Variants in AANAT observed in about 807,000 individuals in gnomAD.
AANAT encodes serotonin N-acetyltransferase.
Under a neutral mutation model 15.6 loss-of-function variants are expected in AANAT, and 11 were observed. The observed-to-expected ratio is 0.71, with a 90% confidence interval of 0.44 to 1.17. AANAT has a LOEUF of 1.17. Ranked by LOEUF, AANAT falls within the 50% of genes most tolerant of loss-of-function variation. The pLI, the probability that AANAT is intolerant of heterozygous loss-of-function variation, is 0.00. For synonymous variants in AANAT, 139 were observed against 131.5 expected, an observed-to-expected ratio of 1.06 and a Z score of -0.39; for missense variants, 286 against 296.3, an observed-to-expected ratio of 0.97 and a Z score of 0.26.
chr17:76,461,318 G>T (rs939801161), intron 2 of AANAT, among the ~76,000 whole-genome samples: 1 of 152,106 alleles, frequency 6.6e-6, no homozygotes, highest in Non-Finnish European at 1.5e-5. Flanking sequence ...TGTAGTGGAT[G>T]CTGTGGTGCA....
upstream of AANAT, among the ~76,000 whole-genome samples, chr17:76,463,047 C>T (rs1041767742): frequency 6.6e-6 from 1 of 152,160 alleles, no homozygotes; most frequent in African/African-American, 2.4e-5. Flanking sequence ...TCCCAGATTC[C>T]AGGTCCAGGG....
In AANAT at chr17:76,456,880, C is replaced by T. The variant is rs58784793; in HGVS notation, c.-575-2367C>T. 5.8e-3 allele frequency among the ~76,000 whole-genome samples: 884 copies of T among 152,206 alleles called. 5 individuals carry two copies. Among genetic ancestry groups the T allele is most frequent in the African/African-American group, 0.019 (794 of 41,528 alleles). ...AAGAAATAGGGCCCAAGGAATTTGG[C>T]GCCTAAGGTAACAGGTAGTAACCTG... is the stretch of plus-strand genomic sequence containing the variant. On this transcript the variant is annotated intron_variant, in intron 1 of 6. Coordinates refer to the AANAT transcript ENST00000250615.
upstream of AANAT, among the ~76,000 whole-genome samples, chr17:76,463,309 C>CTTTTTT (rs60885549): frequency 0.1 from 11,186 of 111,556 alleles, 988 homozygotes; most frequent in Non-Finnish European, 0.12. Context: ...GGAAGGATTC[C>CTTTTTT]TTTTTTTTTT....
At position 76,469,087 on chromosome 17, in the gene AANAT, G is replaced by T. The variant is rs2073478922; in HGVS notation, c.164-86G>T. ...CCCCCATTTTCCTGTGGGGAACGGG[G>T]CATCTGAGTGGACACTCGGGGTGCA... On this transcript the variant is annotated intron_variant, in intron 2 of 3. Transcript: ENST00000392492. The surrounding 1 kb of genome is among the most constrained non-coding windows in gnomAD (Gnocchi z 5.2). The T allele has an allele frequency of 1.9e-6, 3 of 1,572,926 alleles. No individual in the cohort carries two copies. In the South Asian group the frequency reaches 3.5e-5, roughly 18 times the overall value.
intron 1 of AANAT, among the ~76,000 whole-genome samples, chr17:76,454,215 A>T (rs1398193157): frequency 6.6e-6 from 1 of 151,876 alleles, no homozygotes; most frequent in Non-Finnish European, 1.5e-5. Flanking sequence ...GGCAGCTCAC[A>T]CCTGTCATCC....
chr17:76,457,287 C>A (rs2073351035), intron 1 of AANAT, among the ~76,000 whole-genome samples: 1 of 152,184 alleles, frequency 6.6e-6, no homozygotes, highest in African/African-American at 2.4e-5. Flanking sequence ...AATGATCCAC[C>A]CGCCTTGCCC....
chr17:76,458,231 G>A (rs1256390215), intron 1 of AANAT, among the ~76,000 whole-genome samples: 1 of 152,050 alleles, frequency 6.6e-6, no homozygotes, highest in African/African-American at 2.4e-5. Context: ...TTTAGAGAAT[G>A]AGACTCAGTA....
At chr17:76,468,166 C>T (rs1338749326) in intron 1 of AANAT, among the ~76,000 whole-genome samples, 1 of 152,194 alleles carries the variant, frequency 6.6e-6, no homozygotes, top group Non-Finnish European at 1.5e-5. Context: ...AAGCTCTCTG[C>T]CACAGGATCT....
At chr17:76,457,651 A>C (rs1319980045) in intron 1 of AANAT, among the ~76,000 whole-genome samples, 1 of 152,158 alleles carries the variant, frequency 6.6e-6, no homozygotes, top group Non-Finnish European at 1.5e-5. Flanking sequence ...CCCTCACTAG[A>C]CTAAACCCTT....
Position 76,470,053 on chromosome 17 carries a change from G to C in AANAT, c.*83G>C, listed in dbSNP as rs1463007798. On this transcript the variant is annotated 3_prime_UTR_variant, in exon 4 of 4. Coordinates refer to ENST00000392492, the MANE Select transcript of AANAT (RefSeq NM_001088.3). ...AGCTCAGCTGAGCATGGAGACAGCAGTTTCCAGAGAGTGGAGAGAGCAGGG... is the reference window on the plus strand; with the variant it reads ...AGCTCAGCTGAGCATGGAGACAGCACTTTCCAGAGAGTGGAGAGAGCAGGG... 7 of 1,357,686 alleles carry C rather than the reference G, an allele frequency of 5.2e-6. No individual in the cohort carries two copies. Among genetic ancestry groups the C allele is most frequent in the East Asian group, 2.6e-5 (1 of 37,820 alleles). 84.1% of individuals were successfully genotyped at this position (1,357,686 alleles called of 1,614,324 possible).
At chr17:76,467,339 C>T (rs369525953), upstream of AANAT, among the ~76,000 whole-genome samples, 29 of 152,260 alleles carry the variant, frequency 1.9e-4, no homozygotes, top group African/African-American at 4.6e-4. Flanking sequence ...GAGGGAGAAT[C>T]GCTGGTGCCC....
Position 76,469,418 on chromosome 17 carries a change from T to C in AANAT, c.318+91T>C, listed in dbSNP as rs2073488281. On this transcript the variant is annotated intron_variant, in intron 3 of 3. Transcript: ENST00000392492. The surrounding 1 kb of genome is among the most constrained non-coding windows in gnomAD (Gnocchi z 5.2). ...GGGGAGGGGAGCCCAGGGGCTGGGA[T>C]TTCTTCCTCCAGAACTGGAGAGATG... The C allele has an allele frequency of 6.5e-7, 1 of 1,544,422 alleles. No homozygotes were observed.
upstream of AANAT, among the ~76,000 whole-genome samples, chr17:76,462,831 G>A (rs1463916175): frequency 6.6e-6 from 1 of 152,224 alleles, no homozygotes; most frequent in African/African-American, 2.4e-5. Context: ...ACAAGAGCCT[G>A]AAGAGAGGGC....
Position 76,469,573 on chromosome 17 carries a change from A to G in AANAT, c.319-92A>G. On this transcript the variant is annotated intron_variant, in intron 3 of 3. Coordinates refer to ENST00000392492, the MANE Select transcript of AANAT (RefSeq NM_001088.3). This position sits in a 1 kb window ranked among gnomAD's most constrained non-coding sequence, Gnocchi z 5.2. ...GTGGGTGCCCTGACCACAGGCACCC[A>G]GGGGACACCTGCTCCCTGCCTGGGT... 4 of 1,383,632 alleles carry G rather than the reference A, an allele frequency of 2.9e-6. No individual in the cohort carries two copies. Among genetic ancestry groups the G allele is most frequent in the Non-Finnish European group, 3.8e-6 (4 of 1,053,880 alleles). 85.7% of individuals were successfully genotyped at this position (1,383,632 alleles called of 1,614,324 possible).
At chr17:76,456,455 C>A (rs937143068) in intron 1 of AANAT, among the ~76,000 whole-genome samples, 2 of 151,852 alleles carry the variant, frequency 1.3e-5, no homozygotes, top group African/African-American at 4.8e-5. Context: ...TGTCAATGGA[C>A]CCAAATCTTA....
chr17:76,454,679 T>C (rs866366399), intron 1 of AANAT, among the ~76,000 whole-genome samples: 18 of 150,930 alleles, frequency 1.2e-4, no homozygotes, highest in Admixed American at 4.6e-4. Flanking sequence ...AAAAATTAGC[T>C]GGGCGTGGTG....
intron 2 of AANAT, among the ~76,000 whole-genome samples, chr17:76,461,736 G>A (rs2073391215): frequency 6.6e-6 from 1 of 152,096 alleles, no homozygotes; most frequent in South Asian, 2.1e-4. Context: ...TAAGGACTGG[G>A]GGGCTGGATG....
intron 2 of AANAT, among the ~76,000 whole-genome samples, chr17:76,460,363 G>A (rs564343313): frequency 6.6e-6 from 1 of 151,978 alleles, no homozygotes; most frequent in African/African-American, 2.4e-5. Context: ...TGTTGGCCAG[G>A]CTGGTCTCAA....
upstream of AANAT, among the ~76,000 whole-genome samples, chr17:76,465,181 C>G (rs534652886): frequency 1.3e-5 from 2 of 152,134 alleles, no homozygotes; most frequent in Non-Finnish European, 2.9e-5. Context: ...TTCTCCCCCC[C>G]ATCCCCAAGA....
Sources: gnomAD v4.1 joint callset for allele counts (sites outside exome capture counted in the v4.1 genomes callset) on GRCh38, gnomAD v4.1.1 for gene constraint, Gnocchi (gnomAD v3.1) non-coding constraint, MANE v1.5 for transcripts, NCBI Gene and HGNC (gene_info 2026-07-23, HGNC 2026-07-21) for gene names.